The following PLXNA2 variants were observed in gnomAD, a reference collection of about 807,000 sequenced individuals.
The protein encoded by PLXNA2 is plexin A2, also known as plexin-A2.
PLXNA2 carries 91 observed loss-of-function variants against 193.5 expected under a neutral mutation model. The ratio of observed to expected loss-of-function variants is 0.47; its 90% CI spans 0.40 to 0.56. The LOEUF is 0.56. PLXNA2 is among the 20% of genes least tolerant of loss of function. PLXNA2 has a pLI of 0.00. For synonymous variants in PLXNA2, 997 were observed against 1,027.3 expected, an observed-to-expected ratio of 0.97 and a Z score of 0.56; for missense variants, 1,995 against 2,503.2, an observed-to-expected ratio of 0.80 and a Z score of 4.33.
At chr1:208,089,078 A>G (rs1040070612) in intron 9 of PLXNA2, among the ~76,000 whole-genome samples, 1 of 152,148 alleles carries the variant, frequency 6.6e-6, no homozygotes, top group African/African-American at 2.4e-5. Flanking sequence ...TTTGAATTGC[A>G]TTCGTTCTAG....
intron 3 of PLXNA2, among the ~76,000 whole-genome samples, chr1:208,149,552 G>A (rs1004169306): frequency 6.6e-6 from 1 of 151,668 alleles, no homozygotes; most frequent in Non-Finnish European, 1.5e-5. Context: ...GTGTGTATAA[G>A]TGTGGTGTGT....
At chr1:208,081,892 C>T (rs562658088) in intron 11 of PLXNA2, among the ~76,000 whole-genome samples, 16 of 152,136 alleles carry the variant, frequency 1.1e-4, no homozygotes, top group African/African-American at 3.9e-4. Flanking sequence ...TAAGGGTCAC[C>T]CTCATGGAGC....
At chr1:208,190,256 T>G (rs750419384) in intron 3 of PLXNA2, among the ~76,000 whole-genome samples, 2 of 152,214 alleles carry the variant, frequency 1.3e-5, no homozygotes, top group Non-Finnish European at 2.9e-5. Context: ...TTTCTGACCT[T>G]GTGCAGAGAG....
chr1:208,093,162 T>C (rs1191532437), intron 8 of PLXNA2, among the ~76,000 whole-genome samples: 1 of 152,204 alleles, frequency 6.6e-6, no homozygotes, highest in African/African-American at 2.4e-5. Context: ...TCATGAGAAC[T>C]GATTATTCAC....
chr1:208,030,778 C>T (rs1664479101), intron 29 of PLXNA2: 3 of 985,456 alleles, frequency 3.0e-6, no homozygotes, highest in South Asian at 9.4e-5. Flanking sequence ...CCTCCCCTCT[C>T]CCCTCTCTGT....
intron 13 of PLXNA2, among the ~76,000 whole-genome samples, chr1:208,056,305 C>T (rs745630096): frequency 6.6e-6 from 1 of 152,220 alleles, no homozygotes; most frequent in Non-Finnish European, 1.5e-5. Context: ...GTTTCTCTCC[C>T]TCTCTTCTAA....
intron 20 of PLXNA2, among the ~76,000 whole-genome samples, chr1:208,043,645 C>T (rs1044953319): frequency 5.3e-5 from 8 of 152,184 alleles, no homozygotes; most frequent in Admixed American, 3.9e-4. Context: ...ATGAGACGCT[C>T]AGCTGAGAGC....
Position 208,103,193 on chromosome 1 carries a change from G to A in PLXNA2, c.1561C>T (p.Leu521=), listed in dbSNP as rs1424965250. 1 of 1,614,024 alleles carries A rather than the reference G, an allele frequency of 6.2e-7. No homozygotes were observed. The highest frequency in any genetic ancestry group is 1.3e-5 in the African/African-American group (1 of 74,932). The change falls in exon 5 of 32, where the codon CTG becomes TTG. Residue 521 remains leucine, a synonymous_variant. Coordinates refer to ENST00000367033, the MANE Select transcript of PLXNA2 (RefSeq NM_025179.4). ...CEQYTTCGEC[L]SSGDPHCGWC... is the part of the protein sequence containing the mutation. The stretch of plus-strand genomic sequence containing the variant: ...CCACAGTGAGGGTCCCCAGAGCTCA[G>A]GCACTCCCCACAAGTCGTATACTGC...
intron 17 of PLXNA2, among the ~76,000 whole-genome samples, chr1:208,047,968 A>G (rs1056281592): frequency 1.3e-5 from 2 of 152,108 alleles, no homozygotes; most frequent in African/African-American, 4.8e-5. Flanking sequence ...GCAGGGTACA[A>G]TGAGGCATGG....
At position 208,038,696 on chromosome 1, in the gene PLXNA2, G is replaced by C. The variant is rs971039294; in HGVS notation, c.4660+129C>G. On this transcript the variant is annotated intron_variant, in intron 25 of 31. Transcript: ENST00000367033. The surrounding 1 kb of genome is among the most constrained non-coding windows in gnomAD (Gnocchi z 4.1). Reference sequence around the variant, plus strand: ...CATCTGAACAGGCAGCGCTCAAAGCGGGAAGCATTTCACACGGGCCTCAGC... The same window carrying C: ...CATCTGAACAGGCAGCGCTCAAAGCCGGAAGCATTTCACACGGGCCTCAGC... 9 of 1,012,810 alleles carry C rather than the reference G, an allele frequency of 8.9e-6. No individual in the cohort carries two copies. Among genetic ancestry groups the C allele is most frequent in the South Asian group, 1.5e-5 (1 of 66,652 alleles). 62.7% of individuals were successfully genotyped at this position (1,012,810 alleles called of 1,614,324 possible). A position where few individuals can be genotyped will look rare whatever the true frequency, so the allele number is the denominator to read the frequency against.
At chr1:208,079,829 G>T (rs540955734) in intron 11 of PLXNA2, among the ~76,000 whole-genome samples, 1 of 152,110 alleles carries the variant, frequency 6.6e-6, no homozygotes, top group Non-Finnish European at 1.5e-5. Context: ...TGTATATTAA[G>T]TGCTTAGCAC....
At chr1:208,055,204 G>A (rs1665389217) in intron 13 of PLXNA2, among the ~76,000 whole-genome samples, 2 of 152,178 alleles carry the variant, frequency 1.3e-5, no homozygotes, top group Admixed American at 6.5e-5. Flanking sequence ...CCCGGTGGGA[G>A]AGACAGTGAC....
At chr1:208,101,570 T>C (rs1248660705) in intron 5 of PLXNA2, among the ~76,000 whole-genome samples, 1 of 152,212 alleles carries the variant, frequency 6.6e-6, no homozygotes, top group African/African-American at 2.4e-5. Flanking sequence ...TATTCTGATG[T>C]GGCTAATTCC....
intron 12 of PLXNA2, among the ~76,000 whole-genome samples, chr1:208,066,175 T>A (rs1571878666): frequency 6.6e-6 from 1 of 152,210 alleles, no homozygotes; most frequent in Non-Finnish European, 1.5e-5. Flanking sequence ...CATATTATAC[T>A]GTGGACTAGA....
At chr1:208,095,753 T>C (rs1666862163) in intron 8 of PLXNA2, among the ~76,000 whole-genome samples, 1 of 152,246 alleles carries the variant, frequency 6.6e-6, no homozygotes, top group Non-Finnish European at 1.5e-5. Context: ...TCCTGTTCTC[T>C]GACTCTCTTT....
intron 4 of PLXNA2, among the ~76,000 whole-genome samples, chr1:208,132,832 C>A (rs55941672): frequency 2.0e-5 from 3 of 152,136 alleles, no homozygotes; most frequent in Non-Finnish European, 4.4e-5. Flanking sequence ...TTAATTTAAT[C>A]TTCAAACAGA....
chr1:208,069,060 C>T (rs78120088), intron 12 of PLXNA2, among the ~76,000 whole-genome samples: 3,929 of 152,302 alleles, frequency 0.026, 62 homozygotes, highest in South Asian at 0.045. Flanking sequence ...TCAGTGACCA[C>T]GCCCAGGTAT....
At chr1:208,202,952 T>C (rs1346194324) in intron 3 of PLXNA2, among the ~76,000 whole-genome samples, 1 of 152,212 alleles carries the variant, frequency 6.6e-6, no homozygotes, top group Non-Finnish European at 1.5e-5. Flanking sequence ...AATGAGTCTT[T>C]AGTTTCTCCC....
intron 23 of PLXNA2, 59 bp from the exon 24 acceptor site, chr1:208,039,826 C>T: frequency 6.2e-7 from 1 of 1,611,236 alleles, no homozygotes; most frequent in Non-Finnish European, 8.5e-7. Context: ...TGTACGTTTT[C>T]CCTTTCCTCT....
Sources: gnomAD v4.1 joint callset for allele counts (sites outside exome capture counted in the v4.1 genomes callset) on GRCh38, gnomAD v4.1.1 for gene constraint, Gnocchi (gnomAD v3.1) non-coding constraint, MANE v1.5 for transcripts, NCBI Gene and HGNC (gene_info 2026-07-23, HGNC 2026-07-21) for gene names.